Variants in RBFOX1 observed in about 807,000 individuals in gnomAD.
The protein encoded by RBFOX1 is RNA binding protein fox-1 homolog 1.
Under a neutral mutation model 57.7 loss-of-function variants are expected in RBFOX1, and 8 were observed. That is an observed-to-expected ratio of 0.14 (90% CI 0.08 to 0.25). RBFOX1 has a LOEUF of 0.25. Ranked by LOEUF, RBFOX1 falls within the 10% of genes least tolerant of loss-of-function variation. The pLI is 1.00. For synonymous variants in RBFOX1, 326 were observed against 222.4 expected (o/e 1.47, Z -4.15); for missense variants, 611 against 548.5 (o/e 1.11, Z -1.14).
intron 5 of RBFOX1, among the ~76,000 whole-genome samples, chr16:7,555,818 A>C (rs1325552866): frequency 6.6e-6 from 1 of 151,910 alleles, no homozygotes; most frequent in Non-Finnish European, 1.5e-5. Context: ...TGTCAAGCCT[A>C]CCTCCACGGT....
chr16:6,988,589 T>C (rs1417504760), intron 3 of RBFOX1, among the ~76,000 whole-genome samples: 1 of 151,870 alleles, frequency 6.6e-6, no homozygotes. Context: ...TTTTATTTAT[T>C]TGGGACCGAG....
intron 10 of RBFOX1, among the ~76,000 whole-genome samples, chr16:7,610,118 C>CCTTTT (rs71394327): frequency 1.5e-5 from 1 of 65,622 alleles, no homozygotes; most frequent in African/African-American, 8.0e-5. Context: ...GCCCGGCCCC[C>CCTTTT]TTTTTTTTTT....
intron 2 of RBFOX1, among the ~76,000 whole-genome samples, chr16:5,563,561 A>G (rs947192817): frequency 6.6e-6 from 1 of 152,200 alleles, no homozygotes; most frequent in Non-Finnish European, 1.5e-5. Context: ...CACCTTGGTC[A>G]TCAAATTTGA....
At chr16:6,309,647 G>A (rs1372406354) in intron 1 of RBFOX1, among the ~76,000 whole-genome samples, 2 of 151,706 alleles carry the variant, frequency 1.3e-5, no homozygotes, top group Non-Finnish European at 2.9e-5. Flanking sequence ...CAACAATAAG[G>A]CTCAAAGGGA....
At position 7,712,294 on chromosome 16, in the gene RBFOX1, T is replaced by C. The variant is rs904318283; in HGVS notation, c.*1549T>C. 6.6e-6 allele frequency: 1 copy of C among 152,636 alleles called. No homozygotes were observed. Among genetic ancestry groups the C allele is most frequent in the Non-Finnish European group, 1.5e-5 (1 of 68,058 alleles). The allele number at this position is 152,636 out of a possible 1,614,324, so 9.5% of individuals were successfully genotyped here. A position where few individuals can be genotyped will look rare whatever the true frequency, so the allele number is the denominator to read the frequency against. On this transcript the variant is annotated 3_prime_UTR_variant, in exon 16 of 16. Transcript: ENST00000550418. ...ATAGGTTAAGTCCTCATGTGTACAGTGCAGGCCCTGTGGCCCGCACTTCAG... is the reference window on the plus strand; with the variant it reads ...ATAGGTTAAGTCCTCATGTGTACAGCGCAGGCCCTGTGGCCCGCACTTCAG...
At chr16:5,913,842 A>G (rs2058653681) in intron 4 of RBFOX1, among the ~76,000 whole-genome samples, 1 of 152,260 alleles carries the variant, frequency 6.6e-6, no homozygotes, top group Non-Finnish European at 1.5e-5. Flanking sequence ...CGTACCTATC[A>G]TGTACCAGAC....
chr16:7,640,692 CAG>C (rs1289356611), intron 11 of RBFOX1, among the ~76,000 whole-genome samples: 1 of 152,138 alleles, frequency 6.6e-6, no homozygotes, highest in African/African-American at 2.4e-5. Flanking sequence ...ATAGCATTGA[CAG>C]AAAGTGTTTT....
intron 4 of RBFOX1, among the ~76,000 whole-genome samples, chr16:7,498,468 G>A (rs1437917127): frequency 6.6e-6 from 1 of 151,794 alleles, no homozygotes; most frequent in South Asian, 2.1e-4. Context: ...ATACTTTCTG[G>A]TAGCCATATT....
intron 3 of RBFOX1, among the ~76,000 whole-genome samples, chr16:5,718,368 C>A (rs924940554): frequency 6.6e-6 from 1 of 152,180 alleles, no homozygotes; most frequent in African/African-American, 2.4e-5. Flanking sequence ...TCCACCTGAC[C>A]CACAGACACA....
At chr16:7,358,054 A>G (rs1425466294) in intron 4 of RBFOX1, among the ~76,000 whole-genome samples, 4 of 152,242 alleles carry the variant, frequency 2.6e-5, no homozygotes, top group Non-Finnish European at 5.9e-5. Context: ...CCAGCCTTGT[A>G]GAAGCAGAAC....
intron 1 of RBFOX1, among the ~76,000 whole-genome samples, chr16:6,034,007 T>C (rs1434505309): frequency 6.6e-6 from 1 of 152,144 alleles, no homozygotes; most frequent in Admixed American, 6.5e-5. Flanking sequence ...TCTGCTGCTA[T>C]AACAAAATGC....
chr16:5,878,119 G>A (rs555278599), intron 4 of RBFOX1, among the ~76,000 whole-genome samples: 5 of 152,226 alleles, frequency 3.3e-5, no homozygotes, highest in East Asian at 3.9e-4. Context: ...GCTTTGGATC[G>A]ACTGTGTGTA....
At chr16:5,844,894 C>T (rs184611231) in intron 3 of RBFOX1, among the ~76,000 whole-genome samples, 1 of 151,974 alleles carries the variant, frequency 6.6e-6, no homozygotes, top group Non-Finnish European at 1.5e-5. Flanking sequence ...CAGCTCTGTT[C>T]CTTATTTGCC....
At chr16:6,158,906 G>A (rs967451883) in intron 1 of RBFOX1, among the ~76,000 whole-genome samples, 4 of 102,672 alleles carry the variant, frequency 3.9e-5, no homozygotes, top group African/African-American at 1.5e-4. Context: ...TCTGTCATAG[G>A]TTTGTTTTTT....
At chr16:7,700,080 G>A (rs1369590070) in intron 14 of RBFOX1, among the ~76,000 whole-genome samples, 7 of 152,070 alleles carry the variant, frequency 4.6e-5, no homozygotes, top group Non-Finnish European at 8.8e-5. Context: ...TGCTTGTTTT[G>A]TCTTAATCTT....
At chr16:7,371,554 A>T (rs2097566342) in intron 4 of RBFOX1, among the ~76,000 whole-genome samples, 1 of 152,200 alleles carries the variant, frequency 6.6e-6, no homozygotes. Flanking sequence ...GATCGAGACC[A>T]GCCTGGCCAA....
At chr16:6,506,747 G>A (rs1385143006) in intron 2 of RBFOX1, among the ~76,000 whole-genome samples, 3 of 142,188 alleles carry the variant, frequency 2.1e-5, no homozygotes, top group African/African-American at 7.9e-5. Context: ...TCCAGGTTCA[G>A]GTGATTCTCA....
intron 2 of RBFOX1, among the ~76,000 whole-genome samples, chr16:6,349,380 A>T (rs2085903966): frequency 6.6e-6 from 1 of 152,242 alleles, no homozygotes; most frequent in Non-Finnish European, 1.5e-5. Flanking sequence ...TCTGTGTTTC[A>T]AACTTTTGAT....
intron 3 of RBFOX1, among the ~76,000 whole-genome samples, chr16:6,736,797 T>C (rs1223615917): frequency 1.3e-5 from 2 of 152,192 alleles, no homozygotes; most frequent in African/African-American, 2.4e-5. Context: ...TCTGACCATG[T>C]ATGGAATGCT....
Sources: allele counts gnomAD v4.1 joint callset (sites outside exome capture counted in the v4.1 genomes callset), GRCh38; gene constraint gnomAD v4.1.1; transcripts MANE v1.5; gene names NCBI Gene and HGNC (gene_info 2026-07-23, HGNC 2026-07-21).